The following SLC23A3 variants were observed in gnomAD, a reference collection of about 807,000 sequenced individuals.
SLC23A3 encodes solute carrier family 23 member 3, also known as E2-binding protein 3.
A neutral mutation model predicts 64.7 loss-of-function variants in SLC23A3; 41 were observed. The ratio of observed to expected loss-of-function variants is 0.63; its 90% CI spans 0.49 to 0.82. The LOEUF is 0.82. SLC23A3 is among the 40% of genes least tolerant of loss of function. The pLI is 0.00. For synonymous variants in SLC23A3, 281 were observed against 306.8 expected, an observed-to-expected ratio of 0.92 and a Z score of 0.88; for missense variants, 647 against 733.4, an observed-to-expected ratio of 0.88 and a Z score of 1.36.
Position 219,163,395 on chromosome 2 carries a change from G to T in SLC23A3, c.1434C>A (p.Phe478Leu). ...CTCTTCCCTTCCACCTACCTGTGCT[G>T]AACAGGACTGGGGCTTCCCGAAACC... is the stretch of plus-strand genomic sequence containing the variant. ...PRWFREAPVL[F>L]STGWSPLDVL... Residue 478 changes from phenylalanine to leucine, a missense_variant, in exon 10 of 12, where the codon TTC (phenylalanine) becomes TTA (leucine). By Grantham distance (22) the Phe-to-Leu change is conservative. Transcript: ENST00000409878. The T allele has an allele frequency of 6.2e-7, 1 of 1,614,164 alleles. No individual in the cohort carries two copies. The highest frequency in any genetic ancestry group is 1.1e-5 in the South Asian group (1 of 91,072).
At position 219,169,347 on chromosome 2, in the gene SLC23A3, C is replaced by T. The variant is rs939314185; in HGVS notation, c.380G>A (p.Ser127Asn). 2.5e-6 allele frequency: 4 copies of T among 1,614,076 alleles called. No individual in the cohort carries two copies. Among genetic ancestry groups the T allele is most frequent in the Non-Finnish European group, 3.4e-6 (4 of 1,180,038 alleles). The change falls in exon 3 of 12, where the codon AGC becomes AAC. Residue 127 changes from serine (S) to asparagine (N), a missense_variant. Ser to Asn is a conservative substitution (Grantham distance 46). Transcript: ENST00000409878. The surrounding 1 kb of genome is among the most constrained non-coding windows in gnomAD (Gnocchi z 4.5). ...EFLIPALVLT[S>N]QKLPRAIQTP... Reference sequence around the variant, plus strand: ...CTGGATGGCCCGGGGTAGCTTCTGGCTGGTCAGCACCAGAGCAGGGATAAG... The same window carrying T: ...CTGGATGGCCCGGGGTAGCTTCTGGTTGGTCAGCACCAGAGCAGGGATAAG...
chr2:219,166,361 A>G (rs1950005366), intron 7 of SLC23A3, among the ~76,000 whole-genome samples: 1 of 151,968 alleles, frequency 6.6e-6, no homozygotes, highest in Admixed American at 6.6e-5. Context: ...ATATCTGGCT[A>G]ATTTTTTATA....
At position 219,168,332 on chromosome 2, in the gene SLC23A3, G is replaced by A. The variant is rs369774216; in HGVS notation, c.675-14C>T. ...AGCAGGATAACCCTAGGAGACAGAAGGCTTTAGGAGCAAGAGGCAGTGGGT... is the reference window on the plus strand; with the variant it reads ...AGCAGGATAACCCTAGGAGACAGAAAGCTTTAGGAGCAAGAGGCAGTGGGT... On this transcript the variant is annotated splice_polypyrimidine_tract_variant and intron_variant, in intron 5 of 11. Transcript: ENST00000409878. 26 of 1,577,738 alleles carry A rather than the reference G, an allele frequency of 1.6e-5. No individual in the cohort carries two copies. The African/African-American group carries it at 3.4e-4, about 21-fold the overall frequency.
rs755877732 is a variant in SLC23A3 at position 219,168,655 on chromosome 2, A to G, written c.671T>C (p.Leu224Ser). The change falls in exon 5 of 12, where the codon TTG becomes TCG. Residue 224 changes from leucine (L) to serine (S), a missense_variant. By Grantham distance (145) the Leu-to-Ser change is moderately radical (BLOSUM62 -2). Transcript: ENST00000409878. ...ACGCCTCTCAGGACTCACGTACAGC[A>G]AGGCCAACCCCCAGTGTGTGAAGCA... ...QFCFTHWGLALLVILLMVVCS... is the reference protein window; with the variant it reads ...QFCFTHWGLASLVILLMVVCS... 16 of 1,613,458 alleles carry G rather than the reference A, an allele frequency of 9.9e-6. No homozygotes were observed. The African/African-American group carries it at 2.0e-4, about 20-fold the overall frequency.
intron 8 of SLC23A3, 148 bp downstream of exon 8, chr2:219,165,021 A>T: frequency 9.3e-7 from 1 of 1,077,850 alleles, no homozygotes; most frequent in Admixed American, 3.0e-5. Context: ...CCACTCTCTT[A>T]GCCCAAAGTC....
intron 5 of SLC23A3, 145 bp from the exon 6 acceptor site, chr2:219,168,463 G>A: frequency 1.7e-6 from 2 of 1,171,334 alleles, no homozygotes; most frequent in South Asian, 1.6e-5. Context: ...GTGACCTTGG[G>A]GGACAGCAGA....
Position 219,168,696 on chromosome 2 carries a change from C to T in SLC23A3, c.630G>A (p.Arg210=). 1 of 1,613,930 alleles carries T rather than the reference C, an allele frequency of 6.2e-7. No individual in the cohort carries two copies. The highest frequency in any genetic ancestry group is 2.2e-5 in the East Asian group (1 of 44,882). The change falls in exon 5 of 12, where the codon AGG becomes AGA. Residue 210 remains arginine (R), a synonymous_variant. Coordinates refer to ENST00000409878, the MANE Select transcript of SLC23A3 (RefSeq NM_001144889.2). ...SLVVAGLSAH[R]EVAQFCFTHW... ...GTGTGAAGCAGAACTGGGCTACCTCCCTGTGGGCAGAGAGCCCTGCCACAA... is the reference window on the plus strand; with the variant it reads ...GTGTGAAGCAGAACTGGGCTACCTCTCTGTGGGCAGAGAGCCCTGCCACAA...
chr2:219,163,689 T>C, intron 9 of SLC23A3, 134 bp from the exon 10 acceptor site: 1 of 941,942 alleles, frequency 1.1e-6, no homozygotes, highest in Non-Finnish European at 1.6e-6. Context: ...TTTTTTTGTT[T>C]TTTTGTTTTT....
chr2:219,169,940 G>A lies in SLC23A3; in HGVS notation c.45C>T (p.Gly15=), dbSNP rs769341691. ...GCAAGGGGGCCAGGGCATCCTGGGAGCCCACTGATCGGAGTTGGCTGGGAT... is the reference window on the plus strand; with the variant it reads ...GCAAGGGGGCCAGGGCATCCTGGGAACCCACTGATCGGAGTTGGCTGGGAT... ...PLNPSQLRSV[G]SQDALAPLPP... Residue 15 remains glycine, a synonymous_variant, in exon 1 of 12, where the codon GGC becomes GGT. Coordinates refer to ENST00000409878, the MANE Select transcript of SLC23A3 (RefSeq NM_001144889.2). This position sits in a 1 kb window ranked among gnomAD's most constrained non-coding sequence, Gnocchi z 4.5. The A allele has an allele frequency of 6.2e-6, 10 of 1,614,044 alleles. No individual in the cohort carries two copies. The East Asian group carries it at 2.0e-4, about 32-fold the overall frequency.
rs772997617 is a variant in SLC23A3, at chr2:219,161,989, C to G, written c.1753G>C (p.Glu585Gln). 1 of 1,613,530 alleles carries G rather than the reference C, an allele frequency of 6.2e-7. No homozygotes were observed. The highest frequency in any genetic ancestry group is 1.3e-5 in the African/African-American group (1 of 74,922). Residue 585 changes from glutamate (E) to glutamine (Q), a missense_variant, in exon 12 of 12, where the codon GAA becomes CAA. By Grantham distance (29) the Glu-to-Gln change is conservative. Transcript: ENST00000409878. ...GDEEGGSSEP[E>Q]EMADLLPGSG... Reference sequence around the variant, plus strand: ...CCAGGCAGCAAGTCTGCCATCTCTTCTGGCTCAGAGGAGCCTCCTTCCTCA... The same window carrying G: ...CCAGGCAGCAAGTCTGCCATCTCTTGTGGCTCAGAGGAGCCTCCTTCCTCA...
chr2:219,167,811 CTCCTA>C (rs1193739205), intron 7 of SLC23A3, 114 bp downstream of exon 7: 21 of 795,358 alleles, frequency 2.6e-5, no homozygotes, highest in Non-Finnish European at 4.4e-5. Context: ...TAATTTCTCT[CTCCTA>C]TATGTTTTCA....
chr2:219,168,890 C>T (rs1297514553), intron 4 of SLC23A3, 57 bp from the exon 5 acceptor site: 1 of 1,559,438 alleles, frequency 6.4e-7, no homozygotes, highest in Non-Finnish European at 8.7e-7. Flanking sequence ...AAACTGGCCT[C>T]AGCCTGGTCT....
chr2:219,164,480 C>T (rs1032067598), intron 8 of SLC23A3, 142 bp from the exon 9 acceptor site: 8 of 602,650 alleles, frequency 1.3e-5, no homozygotes, highest in East Asian at 2.9e-5. Context: ...TCTATCTAAA[C>T]GTGCCTCCTT....
At chr2:219,162,788 G>A (rs897360317) in intron 10 of SLC23A3, among the ~76,000 whole-genome samples, 1 of 152,118 alleles carries the variant, frequency 6.6e-6, no homozygotes, top group Non-Finnish European at 1.5e-5. Context: ...GGTGGTGCAG[G>A]GGGGATGTCC....
intron 7 of SLC23A3, among the ~76,000 whole-genome samples, chr2:219,165,950 A>G (rs570429030): frequency 3.2e-4 from 49 of 152,282 alleles, no homozygotes; most frequent in African/African-American, 1.1e-3. Flanking sequence ...CCTGGCCAAC[A>G]TGGTGAAACC....
At chr2:219,163,763 C>T (rs572189351) in intron 9 of SLC23A3, among the ~76,000 whole-genome samples, 19 of 152,180 alleles carry the variant, frequency 1.2e-4, no homozygotes, top group South Asian at 6.2e-4. Context: ...GGTGCAATCT[C>T]GGCTCACTGC....
rs2106374542 is a variant in SLC23A3, at chr2:219,162,077, G to A, written c.1665C>T (p.Asn555=). ...GAGGCTGGGGGATGCAGGGACAGAG[G>A]TTTTGGATGGGGAAAGGAAGTCTGT... ...QVYRLPFPIQ[N]LCPCIPQPLH... Residue 555 remains asparagine (N), a synonymous_variant, in exon 12 of 12, where the codon AAC becomes AAT. Transcript: ENST00000409878. The A allele has an allele frequency of 6.2e-7, 1 of 1,614,208 alleles. No individual in the cohort carries two copies. The highest frequency in any genetic ancestry group is 8.5e-7 in the Non-Finnish European group (1 of 1,180,032).
Position 219,168,305 on chromosome 2 carries a change from T to C in SLC23A3, c.688A>G (p.Met230Val), listed in dbSNP as rs1251726148. ...WGLALLVILL[M>V]VVCSQHLGSC... ...CCCAGGTGCTGAGAACAGACCACCA[T>C]GAGCAGGATAACCCTAGGAGACAGA... is the stretch of plus-strand genomic sequence containing the variant. The change falls in exon 6 of 12, where the codon ATG (methionine) becomes GTG (valine). Residue 230 changes from methionine to valine, a missense_variant. Transcript: ENST00000409878. 5 of 1,608,084 alleles carry C rather than the reference T, an allele frequency of 3.1e-6. No individual in the cohort carries two copies. Among genetic ancestry groups the C allele is most frequent in the African/African-American group, 2.7e-5 (2 of 74,624 alleles).
intron 7 of SLC23A3, among the ~76,000 whole-genome samples, chr2:219,166,074 G>A (rs1226613568): frequency 1.3e-5 from 2 of 151,022 alleles, no homozygotes; most frequent in African/African-American, 4.9e-5. Flanking sequence ...CGGAGGTGCA[G>A]TTAGCCAAGA....
Sources: allele counts gnomAD v4.1 joint callset (sites outside exome capture counted in the v4.1 genomes callset), GRCh38; gene constraint gnomAD v4.1.1; non-coding constraint Gnocchi (gnomAD v3.1); transcripts MANE v1.5; gene names NCBI Gene and HGNC (gene_info 2026-07-23, HGNC 2026-07-21).